Variants in AK7 observed in about 807,000 individuals in gnomAD.
The protein encoded by AK7 is ATP-AMP transphosphorylase 7.
A neutral mutation model predicts 96.6 loss-of-function variants in AK7; 78 were observed. The observed-to-expected ratio is 0.81, with a 90% CI of 0.67 to 0.97. The LOEUF (loss-of-function observed/expected upper bound fraction) is 0.97. AK7 is among the 50% of genes least tolerant of loss of function. AK7 has a pLI of 0.00. For missense variants in AK7, 855 were observed against 887.9 expected, an observed-to-expected ratio of 0.96 and a Z score of 0.47; for synonymous variants, 302 against 317.2, an observed-to-expected ratio of 0.95 and a Z score of 0.51.
At chr14:96,414,049 C>G (rs1047161814) in intron 4 of AK7, among the ~76,000 whole-genome samples, 1 of 152,186 alleles carries the variant, frequency 6.6e-6, no homozygotes, top group African/African-American at 2.4e-5. Context: ...AACAAACCTA[C>G]CCCCAAAATG....
At chr14:96,429,709 A>G (rs1180367888) in intron 5 of AK7, among the ~76,000 whole-genome samples, 1 of 152,068 alleles carries the variant, frequency 6.6e-6, no homozygotes, top group African/African-American at 2.4e-5. Context: ...TAGGTATTTT[A>G]TTCTCTTTGA....
Position 96,398,272 on chromosome 14 carries a change from C to G in AK7, c.294+9C>G, listed in dbSNP as rs780706238. On this transcript the variant is annotated intron_variant, in intron 2 of 17. Coordinates refer to ENST00000267584, the MANE Select transcript of AK7 (RefSeq NM_152327.5). ...CGGTGGAGACGTACTCTGTAAGTCC[C>G]GGAGGCTCTGGCCAGGAGTAGACAG... The G allele has an allele frequency of 6.2e-7, 1 of 1,612,264 alleles. No individual in the cohort carries two copies. Among genetic ancestry groups the G allele is most frequent in the Non-Finnish European group, 8.5e-7 (1 of 1,179,836 alleles).
chr14:96,452,837 A>C (rs1162788876), intron 10 of AK7, among the ~76,000 whole-genome samples: 1 of 152,170 alleles, frequency 6.6e-6, no homozygotes, highest in Non-Finnish European at 1.5e-5. Flanking sequence ...GGTAGGACGC[A>C]GACTTAACTA....
At chr14:96,448,806 A>C (rs1190072237) in intron 8 of AK7, among the ~76,000 whole-genome samples, 1 of 151,964 alleles carries the variant, frequency 6.6e-6, no homozygotes, top group Admixed American at 6.6e-5. Flanking sequence ...AAATACAAAA[A>C]TTAGCCAGGC....
chr14:96,416,554 G>A (rs779440863), intron 4 of AK7, among the ~76,000 whole-genome samples: 1 of 152,032 alleles, frequency 6.6e-6, no homozygotes, highest in South Asian at 2.1e-4. Flanking sequence ...ATAGTAGTAA[G>A]GCAGGCTGAG....
chr14:96,427,191 G>A (rs1278545319), intron 5 of AK7, among the ~76,000 whole-genome samples: 1 of 152,206 alleles, frequency 6.6e-6, no homozygotes, highest in African/African-American at 2.4e-5. Context: ...GTTGCAGTGA[G>A]CTGAGATCAC....
intron 12 of AK7, among the ~76,000 whole-genome samples, chr14:96,468,603 C>T (rs1197333758): frequency 2.6e-5 from 4 of 152,038 alleles, no homozygotes; most frequent in Non-Finnish European, 5.9e-5. Context: ...GGCCTGCACT[C>T]TTTCCTTTGT....
At chr14:96,475,978 T>TA (rs36080864) in intron 14 of AK7, among the ~76,000 whole-genome samples, 4 of 42,330 alleles carry the variant, frequency 9.4e-5, no homozygotes, top group South Asian at 1.1e-3. Flanking sequence ...CCCTGTCTCT[T>TA]AAAAAAAAAA....
intron 10 of AK7, 100 bp from the exon 11 acceptor site, chr14:96,456,238 CAAAAAAAAA>C (rs56356389): frequency 2.6e-4 from 103 of 396,356 alleles, no homozygotes; most frequent in Middle Eastern, 5.7e-4. Context: ...GACTCTGTCT[CAAAAAAAAA>C]AAAAAAAAAA....
intron 12 of AK7, among the ~76,000 whole-genome samples, chr14:96,459,347 GA>G (rs201265663): frequency 4.0e-5 from 6 of 150,430 alleles, no homozygotes; most frequent in Non-Finnish European, 5.9e-5. Context: ...CAAAAAAAAA[GA>G]AAAAAAAATC....
intron 2 of AK7, among the ~76,000 whole-genome samples, chr14:96,402,986 G>T (rs1254916984): frequency 6.6e-6 from 1 of 151,918 alleles, no homozygotes; most frequent in Non-Finnish European, 1.5e-5. Flanking sequence ...AAAATAGTGG[G>T]TGCCTGTAAT....
chr14:96,425,391 G>A lies in AK7; in HGVS notation c.609+4459G>A, dbSNP rs561022301. On this transcript the variant is annotated intron_variant, in intron 5 of 17. Coordinates refer to ENST00000267584, the MANE Select transcript of AK7 (RefSeq NM_152327.5). ...TTCTATTCAGTATTTTGAGGCAAAA[G>A]AGGAGACCCTAATAATTATACAAGT... Among the ~76,000 whole-genome samples, 14 of 152,014 alleles carry A rather than the reference G, an allele frequency of 9.2e-5. 1 individual carries two copies. The highest frequency in any genetic ancestry group is 2.9e-4 in the African/African-American group (12 of 41,446).
intron 12 of AK7, among the ~76,000 whole-genome samples, chr14:96,466,460 G>A (rs1053097450): frequency 2.0e-5 from 3 of 151,882 alleles, no homozygotes; most frequent in Admixed American, 6.6e-5. Flanking sequence ...GGATGGTCTC[G>A]ATCTCCTGAC....
chr14:96,443,996 C>G (rs1024577632), intron 7 of AK7, among the ~76,000 whole-genome samples: 5 of 152,096 alleles, frequency 3.3e-5, no homozygotes, highest in Middle Eastern at 6.8e-3. Flanking sequence ...AGGATGGTCT[C>G]CATCTCCTGA....
intron 1 of AK7, among the ~76,000 whole-genome samples, chr14:96,395,800 A>ATTTTTTT (rs1172936912): frequency 2.9e-4 from 20 of 69,020 alleles, no homozygotes; most frequent in African/African-American, 3.5e-4. Flanking sequence ...TTGATTTTGA[A>ATTTTTTT]TTTTTTTTTT....
At chr14:96,452,564 G>A (rs1487397111) in intron 10 of AK7, among the ~76,000 whole-genome samples, 2 of 152,168 alleles carry the variant, frequency 1.3e-5, no homozygotes, top group Admixed American at 6.5e-5. Flanking sequence ...GGCCTCAAGC[G>A]ATCCGCCTGC....
Position 96,437,933 on chromosome 14 carries a change from GACGTGGAATGTTTAAAAGTGTCTT to G in AK7, c.690+22_690+45del. On this transcript the variant is annotated intron_variant, in intron 6 of 17. Coordinates refer to ENST00000267584, the MANE Select transcript of AK7 (RefSeq NM_152327.5). ...TTTTTAAGGTATGGCTTTCAATGATGACGTGGAATGTTTAAAAGTGTCTTACGATACAGATACGCAATTTGAAGG... is the reference window on the plus strand; with the variant it reads ...TTTTTAAGGTATGGCTTTCAATGATGACGATACAGATACGCAATTTGAAGG... 6.2e-7 allele frequency: 1 copy of G among 1,604,320 alleles called. No homozygotes were observed. The highest frequency in any genetic ancestry group is 8.5e-7 in the Non-Finnish European group (1 of 1,172,088).
At chr14:96,482,732 C>T (rs1895565260) in intron 15 of AK7, among the ~76,000 whole-genome samples, 1 of 152,110 alleles carries the variant, frequency 6.6e-6, no homozygotes, top group Non-Finnish European at 1.5e-5. Context: ...TTCAGGCAAT[C>T]CATTCCCCCA....
At chr14:96,437,979 A>G (rs1227528910) in intron 6 of AK7, 64 bp downstream of exon 6, 2 of 1,496,728 alleles carry the variant, frequency 1.3e-6, no homozygotes, top group Non-Finnish European at 1.9e-6. Flanking sequence ...ACGCAATTTG[A>G]AGGTGTTTTT....
Sources: allele counts gnomAD v4.1 joint callset (sites outside exome capture counted in the v4.1 genomes callset), GRCh38; gene constraint gnomAD v4.1.1; transcripts MANE v1.5; gene names NCBI Gene and HGNC (gene_info 2026-07-23, HGNC 2026-07-21).